Variants in TECPR2 observed in about 807,000 individuals in gnomAD.
The protein encoded by TECPR2 is tectonin beta-propeller repeat containing 2.
In TECPR2, 65 loss-of-function variants were observed where a neutral mutation model predicts 138.1. The observed-to-expected ratio is 0.47, with a 90% CI of 0.39 to 0.58. The LOEUF (loss-of-function observed/expected upper bound fraction) is 0.58, where lower values mean the gene tolerates loss of function less well. TECPR2 is among the 20% of genes least tolerant of loss of function. The pLI is 0.00. For missense variants in TECPR2, 1,553 were observed against 1,824.5 expected, an observed-to-expected ratio of 0.85 and a Z score of 2.71; for synonymous variants, 746 against 749.8, an observed-to-expected ratio of 0.99 and a Z score of 0.08.
intron 2 of TECPR2, among the ~76,000 whole-genome samples, chr14:102,382,904 C>A (rs1417154986): frequency 6.6e-6 from 1 of 152,040 alleles, no homozygotes; most frequent in Non-Finnish European, 1.5e-5. Flanking sequence ...TTACAGGCGC[C>A]TGCCACCACG....
intron 17 of TECPR2, among the ~76,000 whole-genome samples, chr14:102,478,648 CAAA>C (rs58083060): frequency 7.8e-6 from 1 of 127,448 alleles, no homozygotes; most frequent in Admixed American, 8.0e-5. Flanking sequence ...GACCCTGTCT[CAAA>C]AAAAAAAAAA....
intron 17 of TECPR2, among the ~76,000 whole-genome samples, chr14:102,496,215 G>A (rs576641710): frequency 6.6e-6 from 1 of 152,364 alleles, no homozygotes; most frequent in South Asian, 2.1e-4. Flanking sequence ...CAGGCAGTGG[G>A]GGACAGCCAG....
At chr14:102,396,819 G>A (rs999641150) in intron 2 of TECPR2, among the ~76,000 whole-genome samples, 34 of 152,234 alleles carry the variant, frequency 2.2e-4, no homozygotes, top group Admixed American at 4.6e-4. Context: ...TAGGCAAAAA[G>A]CATCTTGTCC....
At chr14:102,458,920 G>A (rs1185798951) in intron 16 of TECPR2, among the ~76,000 whole-genome samples, 1 of 147,356 alleles carries the variant, frequency 6.8e-6, no homozygotes, top group Admixed American at 6.9e-5. Flanking sequence ...GCCTAATCTA[G>A]GCAACAGAGC....
In TECPR2 at chr14:102,414,704, A is replaced by G. The variant is rs570878534; in HGVS notation, c.549A>G (p.Lys183=). ...SSIVQLDYSQ[K]VLLVSTLQRS... ...TTGTGCAGCTGGATTATAGCCAGAA[A>G]GTGCTGCTGGTCTCTACTCTGCAAA... Residue 183 remains lysine (K), a synonymous_variant, in exon 5 of 20, where the codon AAA becomes AAG. Coordinates refer to ENST00000359520, the MANE Select transcript of TECPR2 (RefSeq NM_014844.5). The G allele has an allele frequency of 1.9e-6, 3 of 1,614,242 alleles. No individual in the cohort carries two copies. The highest frequency in any genetic ancestry group is 1.7e-5 in the Admixed American group (1 of 60,018).
At chr14:102,408,465 A>G (rs774870393) in intron 3 of TECPR2, 23 bp from the exon 4 acceptor site, 1 of 1,582,288 alleles carries the variant, frequency 6.3e-7, no homozygotes, top group Non-Finnish European at 8.6e-7. Flanking sequence ...TTTCTTGTGT[A>G]TATTTTTATC....
At chr14:102,403,069 T>A (rs552704683) in intron 2 of TECPR2, among the ~76,000 whole-genome samples, 2 of 152,224 alleles carry the variant, frequency 1.3e-5, no homozygotes, top group South Asian at 4.1e-4. Context: ...ATATCAAAAC[T>A]AGAAAAGATA....
intron 17 of TECPR2, among the ~76,000 whole-genome samples, chr14:102,477,085 A>G (rs919996612): frequency 2.7e-5 from 4 of 146,742 alleles, no homozygotes; most frequent in Non-Finnish European, 6.0e-5. Flanking sequence ...AAATGCTAAC[A>G]CAGGCCAGGT....
chr14:102,425,988 G>A (rs1889310968), intron 6 of TECPR2, among the ~76,000 whole-genome samples: 1 of 149,846 alleles, frequency 6.7e-6, no homozygotes, highest in South Asian at 2.1e-4. Context: ...GAGTTCAAGC[G>A]ATTCTCCTGC....
intron 2 of TECPR2, among the ~76,000 whole-genome samples, chr14:102,395,521 C>T (rs1032901487): frequency 2.6e-5 from 4 of 152,142 alleles, no homozygotes; most frequent in Non-Finnish European, 2.9e-5. Flanking sequence ...CATGTTGGGC[C>T]GGGCACGGTG....
At chr14:102,464,210 C>G (rs1376185864) in intron 16 of TECPR2, among the ~76,000 whole-genome samples, 4 of 152,204 alleles carry the variant, frequency 2.6e-5, no homozygotes, top group Non-Finnish European at 5.9e-5. Flanking sequence ...ATATGAAGAC[C>G]TGGCTGACAG....
chr14:102,468,308 C>T (rs1215859129), intron 17 of TECPR2, among the ~76,000 whole-genome samples: 1 of 152,158 alleles, frequency 6.6e-6, no homozygotes, highest in East Asian at 1.9e-4. Flanking sequence ...CTGCCTCAGT[C>T]TCCTGAGTAG....
rs898047552 is a variant in TECPR2, at chr14:102,388,976, A to C, written c.219+12036A>C. 5.5e-3 allele frequency among the ~76,000 whole-genome samples: 829 copies of C among 149,874 alleles called. 10 individuals carry two copies. The highest frequency in any genetic ancestry group is 0.02 in the African/African-American group (796 of 40,764). ...ACTCCGTCTCAAAAAAAAAAAAAAA[A>C]AAAATTAGCTGGATGTGGTGGCACG... On this transcript the variant is annotated intron_variant, in intron 2 of 19. Transcript: ENST00000359520.
intron 5 of TECPR2, among the ~76,000 whole-genome samples, chr14:102,418,416 CT>C (rs1057502012): frequency 1.3e-5 from 2 of 152,178 alleles, no homozygotes; most frequent in Admixed American, 6.5e-5. Flanking sequence ...ACAGGTGTCT[CT>C]TTAATAGGAT....
chr14:102,478,963 G>A (rs1198838698), intron 17 of TECPR2, among the ~76,000 whole-genome samples: 1 of 150,950 alleles, frequency 6.6e-6, no homozygotes, highest in Non-Finnish European at 1.5e-5. Flanking sequence ...GTTGCAGTGG[G>A]CTGAGATCAT....
intron 6 of TECPR2, among the ~76,000 whole-genome samples, chr14:102,425,801 C>T (rs562814262): frequency 5.2e-4 from 79 of 151,268 alleles, no homozygotes; most frequent in Non-Finnish European, 1.1e-3. Flanking sequence ...GTCTTGAACT[C>T]CTGACCTCGT....
chr14:102,409,499 A>G (rs1301247007), intron 4 of TECPR2, among the ~76,000 whole-genome samples: 1 of 152,042 alleles, frequency 6.6e-6, no homozygotes, highest in Non-Finnish European at 1.5e-5. Context: ...GAGTTTTACC[A>G]TGTTGGTCAG....
At chr14:102,455,285 C>G (rs1291913443) in intron 16 of TECPR2, among the ~76,000 whole-genome samples, 1 of 152,150 alleles carries the variant, frequency 6.6e-6, no homozygotes, top group African/African-American at 2.4e-5. Flanking sequence ...ATTAGCAAAT[C>G]AATGTCAGTA....
chr14:102,363,683 G>A (rs1376856582), intron 1 of TECPR2, among the ~76,000 whole-genome samples: 1 of 152,250 alleles, frequency 6.6e-6, no homozygotes, highest in Admixed American at 6.5e-5. Context: ...TGGAGTCAGA[G>A]CCGGGCAGGT....
Sources: gnomAD v4.1 joint callset for allele counts (sites outside exome capture counted in the v4.1 genomes callset) on GRCh38, gnomAD v4.1.1 for gene constraint, MANE v1.5 for transcripts, NCBI Gene and HGNC (gene_info 2026-07-23, HGNC 2026-07-21) for gene names.